The following PCNX2 variants were observed in gnomAD, a reference collection of about 807,000 sequenced individuals.
PCNX2 encodes the protein pecanex 2, also known as pecanex-like protein 2.
A neutral mutation model predicts 223.8 loss-of-function variants in PCNX2; 168 were observed. The observed-to-expected ratio is 0.75, with a 90% CI of 0.66 to 0.85. The LOEUF (loss-of-function observed/expected upper bound fraction) is 0.85. Among genes scored for constraint, PCNX2 ranks in the 40% least tolerant of loss-of-function variants. PCNX2 has a pLI of 0.00. For missense variants in PCNX2, 2,507 were observed against 2,675.5 expected (o/e 0.94, Z 1.39); for synonymous variants, 1,006 against 1,052.6 (o/e 0.96, Z 0.86).
intron 25 of PCNX2, chr1:233,033,072 A>G: frequency 1.0e-6 from 1 of 985,430 alleles, no homozygotes; most frequent in African/African-American, 1.7e-5. Context: ...ACCCGCCCAC[A>G]CAGTGTGACC....
chr1:233,067,915 CAG>C (rs369019104), intron 23 of PCNX2, among the ~76,000 whole-genome samples: 264 of 152,148 alleles, frequency 1.7e-3, no homozygotes, highest in African/African-American at 6.1e-3. Flanking sequence ...AAAAAATGAA[CAG>C]AGTCTCCAAA....
At chr1:233,094,180 A>G (rs2102945850) in intron 22 of PCNX2, among the ~76,000 whole-genome samples, 1 of 152,364 alleles carries the variant, frequency 6.6e-6, no homozygotes, top group South Asian at 2.1e-4. Flanking sequence ...CAGGAATTAT[A>G]ACCTCAAGTT....
chr1:233,245,950 T>C lies in PCNX2; in HGVS notation c.2222+4789A>G, dbSNP rs143763116. Among the ~76,000 whole-genome samples the C allele has an allele frequency of 4.4e-3, 654 of 148,856 alleles. 2 individuals are homozygous for C. The highest frequency in any genetic ancestry group is 0.017 in the African/African-American group (638 of 38,608). On this transcript the variant is annotated intron_variant, in intron 8 of 33. Coordinates refer to ENST00000258229, the MANE Select transcript of PCNX2 (RefSeq NM_014801.4). Reference sequence around the variant, plus strand: ...AACAAACAAACAAACAAAAGAAACTTAAAATCAACAACATGAAACAAAATA... The same window carrying C: ...AACAAACAAACAAACAAAAGAAACTCAAAATCAACAACATGAAACAAAATA...
At chr1:233,022,627 C>T (rs1213934365) in intron 26 of PCNX2, among the ~76,000 whole-genome samples, 1 of 151,570 alleles carries the variant, frequency 6.6e-6, no homozygotes, top group East Asian at 1.9e-4. Flanking sequence ...GGAAACACAG[C>T]CAGTGGCAAT....
chr1:233,042,942 G>A (rs1558183593), intron 25 of PCNX2, among the ~76,000 whole-genome samples: 1 of 152,196 alleles, frequency 6.6e-6, no homozygotes, highest in South Asian at 2.1e-4. Flanking sequence ...TGAGGTGGAA[G>A]GGGCAGTCCT....
chr1:233,211,284 CCT>C (rs1681803324), intron 12 of PCNX2, among the ~76,000 whole-genome samples: 3 of 152,042 alleles, frequency 2.0e-5, no homozygotes, highest in Non-Finnish European at 4.4e-5. Flanking sequence ...GAAGAGAGCC[CCT>C]GACATCTGCT....
At chr1:232,989,957 G>A (rs2102779896) in intron 32 of PCNX2, among the ~76,000 whole-genome samples, 1 of 152,344 alleles carries the variant, frequency 6.6e-6, no homozygotes, top group East Asian at 1.9e-4. Flanking sequence ...CCAGGGTCAA[G>A]TCCAAAGATC....
At chr1:233,036,879 G>A (rs191646066) in intron 25 of PCNX2, among the ~76,000 whole-genome samples, 4 of 152,060 alleles carry the variant, frequency 2.6e-5, no homozygotes, top group Non-Finnish European at 5.9e-5. Flanking sequence ...TCCTTCTCTC[G>A]ACTGCTGTTT....
chr1:233,278,640 G>C (rs552421953), intron 1 of PCNX2, among the ~76,000 whole-genome samples: 1 of 152,124 alleles, frequency 6.6e-6, no homozygotes, highest in Non-Finnish European at 1.5e-5. Flanking sequence ...GAGTCAGATC[G>C]CATGTCTCTT....
intron 23 of PCNX2, among the ~76,000 whole-genome samples, chr1:233,088,352 T>G (rs1307248772): frequency 6.6e-6 from 1 of 152,318 alleles, no homozygotes; most frequent in African/African-American, 2.4e-5. Flanking sequence ...TGTTGTACTT[T>G]CCTTTCCTGT....
At chr1:233,300,831 G>A in the PCNX2 span, among the ~76,000 whole-genome samples, 1 of 152,150 alleles carries the variant, frequency 6.6e-6, no homozygotes, top group Non-Finnish European at 1.5e-5. Flanking sequence ...GGTGTGCCCT[G>A]CCCACTGAGA....
intron 26 of PCNX2, among the ~76,000 whole-genome samples, chr1:233,019,418 G>T (rs1670796807): frequency 6.6e-6 from 1 of 152,190 alleles, no homozygotes; most frequent in African/African-American, 2.4e-5. Flanking sequence ...AAGGAGGAAG[G>T]AAGAGAGGGA....
intron 28 of PCNX2, among the ~76,000 whole-genome samples, chr1:233,004,262 G>C (rs186532793): frequency 1.1e-3 from 160 of 152,056 alleles, no homozygotes; most frequent in African/African-American, 3.6e-3. Context: ...AAGATTATCC[G>C]GGTGTTCAGG....
chr1:233,198,935 C>A lies in PCNX2; in HGVS notation c.3066+4G>T. ...GGATGAGGGCCCATGGTCCTCACACCTACCTTCACTGCACTGAAGCAGACT... is the reference window on the plus strand; with the variant it reads ...GGATGAGGGCCCATGGTCCTCACACATACCTTCACTGCACTGAAGCAGACT... On this transcript the variant is annotated splice_donor_region_variant and intron_variant, in intron 15 of 33. Transcript: ENST00000258229. 6.3e-7 allele frequency: 1 copy of A among 1,599,968 alleles called. No individual in the cohort carries two copies. The highest frequency in any genetic ancestry group is 8.5e-7 in the Non-Finnish European group (1 of 1,173,408).
chr1:233,060,531 G>C (rs1672367615), intron 23 of PCNX2, among the ~76,000 whole-genome samples: 1 of 152,202 alleles, frequency 6.6e-6, no homozygotes, highest in Non-Finnish European at 1.5e-5. Flanking sequence ...TTCTCTAAGA[G>C]GGTGGACTGT....
At chr1:233,276,762 T>G (rs972959087) in intron 1 of PCNX2, among the ~76,000 whole-genome samples, 20 of 152,222 alleles carry the variant, frequency 1.3e-4, no homozygotes, top group African/African-American at 4.8e-4. Context: ...ATCCTAAAGA[T>G]GATCAAGCTC....
At chr1:232,985,118 G>T (rs1286025256) in intron 33 of PCNX2, 1 of 152,202 alleles carries the variant, frequency 6.6e-6, no homozygotes, top group East Asian at 1.9e-4. Flanking sequence ...CAGCCTGGGG[G>T]TTCCAGGAAA....
chr1:233,223,223 T>A (rs1463350661), intron 10 of PCNX2, among the ~76,000 whole-genome samples: 1 of 151,948 alleles, frequency 6.6e-6, no homozygotes. Context: ...TGTCAAATAC[T>A]CCAAATGAGT....
In PCNX2 at chr1:233,295,612, C is replaced by T; in HGVS notation, c.-134G>A. On this transcript the variant is annotated 5_prime_UTR_variant, in exon 1 of 34. Coordinates refer to ENST00000258229, the MANE Select transcript of PCNX2 (RefSeq NM_014801.4). This position sits in a 1 kb window ranked among gnomAD's most constrained non-coding sequence, Gnocchi z 4.1. ...CCGTCGCCGCCGCCGTCGCCCCCGC[C>T]GCCTCCTTCCACCCCACGTTTGAAG... is the stretch of plus-strand genomic sequence containing the variant. 3.1e-6 allele frequency: 3 copies of T among 975,000 alleles called. No individual in the cohort carries two copies. The highest frequency in any genetic ancestry group is 4.0e-6 in the Non-Finnish European group (3 of 745,124). 60.4% of individuals were successfully genotyped at this position (975,000 alleles called of 1,614,324 possible).
Sources: gnomAD v4.1 joint callset for allele counts (sites outside exome capture counted in the v4.1 genomes callset) on GRCh38, gnomAD v4.1.1 for gene constraint, Gnocchi (gnomAD v3.1) non-coding constraint, MANE v1.5 for transcripts, NCBI Gene and HGNC (gene_info 2026-07-23, HGNC 2026-07-21) for gene names.